The following SGCZ variants were observed in gnomAD, a reference collection of about 807,000 sequenced individuals.
The protein encoded by SGCZ is zeta-sarcoglycan.
SGCZ carries 40 observed loss-of-function variants against 41.3 expected under a neutral mutation model. The ratio of observed to expected loss-of-function variants is 0.97; its 90% CI spans 0.75 to 1.26. The LOEUF is 1.26. Among genes scored for constraint, SGCZ ranks in the 50% most tolerant of loss-of-function variants. The pLI is 0.00. For missense variants in SGCZ, 552 were observed against 369.8 expected, an observed-to-expected ratio of 1.49 and a Z score of -4.04; for synonymous variants, 206 against 137.5, an observed-to-expected ratio of 1.50 and a Z score of -3.49.
At chr8:14,820,995 T>G (rs1311598596) in intron 1 of SGCZ, among the ~76,000 whole-genome samples, 1 of 147,688 alleles carries the variant, frequency 6.8e-6, no homozygotes, top group East Asian at 2.0e-4. Context: ...AGAGCAGAGA[T>G]AAGTAAAATA....
At chr8:14,916,538 G>A (rs1287738180) in intron 1 of SGCZ, among the ~76,000 whole-genome samples, 2 of 152,210 alleles carry the variant, frequency 1.3e-5, no homozygotes, top group African/African-American at 2.4e-5. Flanking sequence ...CATACCTGGT[G>A]CAAGGCAGTA....
chr8:14,581,222 C>G (rs1804877267), intron 1 of SGCZ, among the ~76,000 whole-genome samples: 1 of 152,110 alleles, frequency 6.6e-6, no homozygotes, highest in African/African-American at 2.4e-5. Flanking sequence ...GATTCTCCTG[C>G]CTCAGCCATG....
intron 1 of SGCZ, among the ~76,000 whole-genome samples, chr8:14,955,941 G>T (rs1800777082): frequency 6.6e-6 from 1 of 151,560 alleles, no homozygotes. Context: ...CATAGTTAGA[G>T]ATTCTCTAAA....
chr8:14,700,551 C>G (rs1246409349), intron 1 of SGCZ, among the ~76,000 whole-genome samples: 1 of 151,722 alleles, frequency 6.6e-6, no homozygotes, highest in African/African-American at 2.4e-5. Context: ...TACACCAGAC[C>G]TCAGTGACAC....
chr8:15,080,809 G>C lies in SGCZ; in HGVS notation c.39+156776C>G, dbSNP rs186170235. Among the ~76,000 whole-genome samples the C allele has an allele frequency of 5.3e-3, 810 of 152,132 alleles. 3 individuals are homozygous for C. Among genetic ancestry groups the C allele is most frequent in the African/African-American group, 0.019 (779 of 41,486 alleles). On this transcript the variant is annotated intron_variant, in intron 1 of 7. Coordinates refer to ENST00000382080, the MANE Select transcript of SGCZ (RefSeq NM_139167.4). Reference sequence around the variant, plus strand: ...GGGTTTCACCATGTTGGCCAGGCTGGTCTCGACCTCTTGATCTCAAGATCC... The same window carrying C: ...GGGTTTCACCATGTTGGCCAGGCTGCTCTCGACCTCTTGATCTCAAGATCC...
intron 1 of SGCZ, among the ~76,000 whole-genome samples, chr8:15,223,655 G>C (rs1018277185): frequency 1.3e-5 from 2 of 151,992 alleles, no homozygotes; most frequent in African/African-American, 4.8e-5. Flanking sequence ...ATCTAACCTG[G>C]ATCCATGATT....
intron 1 of SGCZ, among the ~76,000 whole-genome samples, chr8:15,021,914 C>T (rs1485295913): frequency 6.6e-6 from 1 of 152,118 alleles, no homozygotes; most frequent in Non-Finnish European, 1.5e-5. Flanking sequence ...TCTTTTTGAC[C>T]CCGTTCACAC....
chr8:14,543,775 C>A (rs985191992), intron 2 of SGCZ, among the ~76,000 whole-genome samples: 1 of 152,136 alleles, frequency 6.6e-6, no homozygotes, highest in Non-Finnish European at 1.5e-5. Context: ...AATCTTAGAT[C>A]TATCCAGTAA....
intron 3 of SGCZ, among the ~76,000 whole-genome samples, chr8:14,304,764 A>C (rs1168050881): frequency 2.6e-5 from 4 of 152,170 alleles, no homozygotes; most frequent in Non-Finnish European, 5.9e-5. Context: ...ACATTTGAAA[A>C]CTATAAGGCT....
At chr8:14,425,705 C>T (rs144793232) in intron 2 of SGCZ, among the ~76,000 whole-genome samples, 3 of 151,906 alleles carry the variant, frequency 2.0e-5, no homozygotes, top group Admixed American at 6.6e-5. Context: ...CAGATTTAAA[C>T]TTACTTATAC....
At chr8:14,538,975 T>C (rs112734902) in intron 2 of SGCZ, among the ~76,000 whole-genome samples, 1,968 of 152,112 alleles carry the variant, frequency 0.013, 42 homozygotes, top group African/African-American at 0.044. Context: ...AGTACCCAGA[T>C]ATTTTGTCAA....
intron 1 of SGCZ, among the ~76,000 whole-genome samples, chr8:15,000,951 A>C (rs1158174082): frequency 1.3e-5 from 2 of 152,226 alleles, no homozygotes; most frequent in Non-Finnish European, 2.9e-5. Context: ...AAGACAACAA[A>C]TCCCAGAGTG....
At chr8:14,583,438 T>C (rs1585099751) in intron 1 of SGCZ, among the ~76,000 whole-genome samples, 1 of 152,168 alleles carries the variant, frequency 6.6e-6, no homozygotes, top group East Asian at 1.9e-4. Context: ...GCGAAACTTT[T>C]CTCCCATTTT....
At chr8:14,832,850 T>C (rs992227774) in intron 1 of SGCZ, among the ~76,000 whole-genome samples, 6 of 152,152 alleles carry the variant, frequency 3.9e-5, no homozygotes, top group African/African-American at 1.4e-4. Context: ...AATATGTATG[T>C]TGCATAAAAT....
intron 1 of SGCZ, among the ~76,000 whole-genome samples, chr8:14,588,712 T>A (rs1279077623): frequency 6.6e-6 from 1 of 152,184 alleles, no homozygotes; most frequent in Non-Finnish European, 1.5e-5. Flanking sequence ...GAATTTTAAC[T>A]GCCTTGTAAA....
At chr8:14,913,502 T>C (rs1176025641) in intron 1 of SGCZ, among the ~76,000 whole-genome samples, 1 of 152,106 alleles carries the variant, frequency 6.6e-6, no homozygotes, top group Admixed American at 6.5e-5. Flanking sequence ...TCTTTGTTCA[T>C]AATAAACTTT....
chr8:14,916,604 T>C (rs925101765), intron 1 of SGCZ, among the ~76,000 whole-genome samples: 2 of 152,154 alleles, frequency 1.3e-5, no homozygotes, highest in Non-Finnish European at 2.9e-5. Context: ...AACTTGCCTT[T>C]AAAGGCAAAA....
At chr8:14,236,793 T>G (rs1247143523) in intron 4 of SGCZ, among the ~76,000 whole-genome samples, 9 of 151,564 alleles carry the variant, frequency 5.9e-5, no homozygotes, top group Non-Finnish European at 1.2e-4. Flanking sequence ...TATCAAAACT[T>G]TAAATTACAA....
In SGCZ at chr8:14,705,674, G is replaced by A. The variant is rs549162818; in HGVS notation, c.40-150748C>T. On this transcript the variant is annotated intron_variant, in intron 1 of 7. Coordinates refer to ENST00000382080, the MANE Select transcript of SGCZ (RefSeq NM_139167.4). ...CCTAAGTGTGTATCTAAGAGTCATT[G>A]ATGTCTTCAGATTACTTGCACTGAT... Among the ~76,000 whole-genome samples the A allele has an allele frequency of 4.3e-4, 66 of 152,142 alleles. No homozygotes were observed. In the Middle Eastern group the frequency reaches 0.01, roughly 24 times the overall value.
Sources: gnomAD v4.1 joint callset for allele counts (sites outside exome capture counted in the v4.1 genomes callset) on GRCh38, gnomAD v4.1.1 for gene constraint, MANE v1.5 for transcripts, NCBI Gene and HGNC (gene_info 2026-07-23, HGNC 2026-07-21) for gene names.